The following UVRAG variants were observed in gnomAD, a reference collection of about 807,000 sequenced individuals.
UVRAG encodes UV radiation resistance associated.
A neutral mutation model predicts 78.0 loss-of-function variants in UVRAG; 19 were observed. The ratio of observed to expected loss-of-function variants is 0.24; its 90% CI spans 0.17 to 0.36. The LOEUF (loss-of-function observed/expected upper bound fraction) is 0.36. UVRAG is among the 10% of genes least tolerant of loss of function. UVRAG has a pLI of 1.00. For missense variants in UVRAG, 740 were observed against 853.8 expected, an observed-to-expected ratio of 0.87 and a Z score of 1.66; for synonymous variants, 323 against 324.6, an observed-to-expected ratio of 1.00 and a Z score of 0.05.
chr11:75,861,469 A>G (rs1946420918), intron 2 of UVRAG, among the ~76,000 whole-genome samples: 1 of 152,220 alleles, frequency 6.6e-6, no homozygotes, highest in Admixed American at 6.5e-5. Context: ...TAAGGGCTCA[A>G]ATTAGAATTG....
chr11:76,001,096 C>T (rs1289073166), intron 8 of UVRAG, among the ~76,000 whole-genome samples: 3 of 152,066 alleles, frequency 2.0e-5, no homozygotes, highest in Non-Finnish European at 4.4e-5. Flanking sequence ...CATTTGGTAC[C>T]ATAAGACAAA....
chr11:75,820,652 G>T (rs1262112945), intron 1 of UVRAG, among the ~76,000 whole-genome samples: 1 of 152,142 alleles, frequency 6.6e-6, no homozygotes, highest in Non-Finnish European at 1.5e-5. Flanking sequence ...ACCGCACCCG[G>T]CCTCACTTAT....
At chr11:76,077,938 T>A (rs984421428) in intron 13 of UVRAG, among the ~76,000 whole-genome samples, 1 of 152,358 alleles carries the variant, frequency 6.6e-6, no homozygotes, top group African/African-American at 2.4e-5. Flanking sequence ...TTTTTACTTG[T>A]TCAGTAATAA....
chr11:76,063,820 T>C (rs1951136753), intron 12 of UVRAG, among the ~76,000 whole-genome samples: 1 of 152,188 alleles, frequency 6.6e-6, no homozygotes, highest in Non-Finnish European at 1.5e-5. Context: ...CAATATAAGA[T>C]TTGTATCTTA....
At chr11:75,906,243 TATATC>T (rs1947611953) in intron 5 of UVRAG, among the ~76,000 whole-genome samples, 3 of 152,210 alleles carry the variant, frequency 2.0e-5, no homozygotes, top group Admixed American at 2.0e-4. Context: ...TAATGCTTTT[TATATC>T]ATATCTAAGA....
intron 13 of UVRAG, among the ~76,000 whole-genome samples, chr11:76,094,024 A>G (rs1951747543): frequency 6.6e-6 from 1 of 152,142 alleles, no homozygotes; most frequent in African/African-American, 2.4e-5. Context: ...TTATTTTGAG[A>G]TACGCCCCAT....
At position 76,139,120 on chromosome 11, in the gene UVRAG, C is replaced by T. The variant is rs80035825; in HGVS notation, c.1398-1591C>T. ...TATGAAATCTCTCCTGGCACCAGTA[C>T]TCACAGCCAGGCAGAGGAGTCTGAC... On this transcript the variant is annotated intron_variant, in intron 14 of 14. Transcript: ENST00000356136. Among the ~76,000 whole-genome samples the T allele has an allele frequency of 1.7e-3, 260 of 152,286 alleles. 6 individuals are homozygous for T. The East Asian group carries it at 0.047, about 28-fold the overall frequency.
intron 13 of UVRAG, among the ~76,000 whole-genome samples, chr11:76,082,277 A>T (rs988582700): frequency 6.6e-6 from 1 of 152,182 alleles, no homozygotes; most frequent in African/African-American, 2.4e-5. Flanking sequence ...ACGGTGGCTC[A>T]CGCCTGTAAT....
At chr11:75,957,072 A>G (rs1948813168) in intron 6 of UVRAG, among the ~76,000 whole-genome samples, 1 of 151,810 alleles carries the variant, frequency 6.6e-6, no homozygotes, top group Non-Finnish European at 1.5e-5. Context: ...ATTTTTTTAA[A>G]GTCTAATTTA....
In UVRAG at chr11:75,831,215, A is replaced by G. The variant is rs1173695305; in HGVS notation, c.117+15691A>G. On this transcript the variant is annotated intron_variant, in intron 1 of 14. Coordinates refer to ENST00000356136, the MANE Select transcript of UVRAG (RefSeq NM_003369.4). Reference sequence around the variant, plus strand: ...CTCATAATCTAGTGGGTGGCCGGGAACGGTGGCTCACACCTGTAATCCCAG... The same window carrying G: ...CTCATAATCTAGTGGGTGGCCGGGAGCGGTGGCTCACACCTGTAATCCCAG... 3.3e-5 allele frequency among the ~76,000 whole-genome samples: 5 copies of G among 152,112 alleles called. No individual in the cohort carries two copies. In the East Asian group the frequency reaches 7.7e-4, roughly 23 times the overall value.
At chr11:75,999,471 C>G (rs376396896) in intron 8 of UVRAG, among the ~76,000 whole-genome samples, 2 of 151,860 alleles carry the variant, frequency 1.3e-5, no homozygotes, top group Admixed American at 1.3e-4. Context: ...CAACCTCCAC[C>G]TCCTGGGTTC....
At chr11:76,060,550 A>G (rs1951063901) in intron 12 of UVRAG, among the ~76,000 whole-genome samples, 1 of 152,172 alleles carries the variant, frequency 6.6e-6, no homozygotes, top group Non-Finnish European at 1.5e-5. Context: ...TTCAGCTTGC[A>G]GGGAGGTGTG....
intron 6 of UVRAG, among the ~76,000 whole-genome samples, chr11:75,927,182 G>A (rs1248589661): frequency 6.6e-6 from 1 of 151,344 alleles, no homozygotes; most frequent in Non-Finnish European, 1.5e-5. Flanking sequence ...CAATTCTCCT[G>A]CCTCAGCCTC....
At chr11:75,857,456 AG>A (rs1269013092) in intron 2 of UVRAG, among the ~76,000 whole-genome samples, 9 of 151,494 alleles carry the variant, frequency 5.9e-5, no homozygotes, top group Middle Eastern at 3.5e-3. Flanking sequence ...TCACGTGACT[AG>A]TGCTTCCACC....
At chr11:75,918,445 T>G (rs934693734) in intron 6 of UVRAG, among the ~76,000 whole-genome samples, 4 of 151,980 alleles carry the variant, frequency 2.6e-5, no homozygotes, top group African/African-American at 7.3e-5. Context: ...TGATATATCA[T>G]GTACAGGAGA....
At chr11:76,017,201 G>C (rs1237566904) in intron 12 of UVRAG, among the ~76,000 whole-genome samples, 1 of 151,980 alleles carries the variant, frequency 6.6e-6, no homozygotes, top group Non-Finnish European at 1.5e-5. Flanking sequence ...GCTAATGGTG[G>C]CAAAAATTTA....
At chr11:75,820,220 C>T (rs1945355479) in intron 1 of UVRAG, among the ~76,000 whole-genome samples, 1 of 152,178 alleles carries the variant, frequency 6.6e-6, no homozygotes, top group Non-Finnish European at 1.5e-5. Flanking sequence ...TCAAGATATC[C>T]TCCCGCCTTG....
At chr11:75,861,492 G>A (rs1399207496) in intron 2 of UVRAG, among the ~76,000 whole-genome samples, 1 of 152,156 alleles carries the variant, frequency 6.6e-6, no homozygotes, top group Non-Finnish European at 1.5e-5. Context: ...GGAAAAAGGA[G>A]TCAGTAAGGT....
chr11:76,022,070 T>C (rs1950254668), intron 12 of UVRAG, among the ~76,000 whole-genome samples: 1 of 152,158 alleles, frequency 6.6e-6, no homozygotes, highest in Non-Finnish European at 1.5e-5. Flanking sequence ...AAAAAGAGCA[T>C]TAATTTTCAC....
Sources: gnomAD v4.1 joint callset for allele counts (sites outside exome capture counted in the v4.1 genomes callset) on GRCh38, gnomAD v4.1.1 for gene constraint, MANE v1.5 for transcripts, NCBI Gene and HGNC (gene_info 2026-07-23, HGNC 2026-07-21) for gene names.